The following SHPK variants were observed in gnomAD, a reference collection of about 807,000 sequenced individuals.
The protein encoded by SHPK is carbohydrate kinase-like protein.
Under a neutral mutation model 46.3 loss-of-function variants are expected in SHPK, and 51 were observed. The ratio of observed to expected loss-of-function variants is 1.10; its 90% CI spans 0.88 to 1.39. The LOEUF (loss-of-function observed/expected upper bound fraction) is 1.39, where lower values mean the gene tolerates loss of function less well. SHPK is among the 40% of genes most tolerant of loss of function. The probability of loss-of-function intolerance (pLI) is 0.00; values close to 1 mark genes in which losing one functional copy is unlikely to be tolerated. For synonymous variants in SHPK, 290 were observed against 273.9 expected (o/e 1.06, Z -0.58); for missense variants, 668 against 641.3 (o/e 1.04, Z -0.45).
At chr17:3,623,318 C>G (rs1284503573) in intron 4 of SHPK, 21 bp downstream of exon 4, 2 of 1,613,712 alleles carry the variant, frequency 1.2e-6, no homozygotes, top group East Asian at 4.5e-5. Context: ...GAGGAACAGC[C>G]TGCAAGGATG....
At chr17:3,625,730 T>C (rs945340812) in intron 2 of SHPK, among the ~76,000 whole-genome samples, 8 of 151,996 alleles carry the variant, frequency 5.3e-5, no homozygotes, top group Admixed American at 6.6e-5. Context: ...AGGTTGGAGG[T>C]AGTTTGTTGT....
At position 3,624,089 on chromosome 17, in the gene SHPK, C is replaced by T. The variant is rs753214804; in HGVS notation, c.453G>A (p.Thr151=). The T allele has an allele frequency of 5.1e-5, 83 of 1,613,706 alleles. No homozygotes were observed. Among genetic ancestry groups the T allele is most frequent in the East Asian group, 4.9e-4 (22 of 44,894 alleles). Residue 151 remains threonine, a synonymous_variant, in exon 3 of 7, where the codon ACG becomes ACA. Coordinates refer to ENST00000225519, the MANE Select transcript of SHPK (RefSeq NM_013276.4). Reference sequence around the variant, plus strand: ...AGAAGATGGTTGCACAGCCGAAGCCCGTGGCCACACTGAGATGAGACTTCG... The same window carrying T: ...AGAAGATGGTTGCACAGCCGAAGCCTGTGGCCACACTGAGATGAGACTTCG... ...PQPKSHLSVA[T]GFGCATIFWL...
At chr17:3,628,549 C>A (rs1366787718) in intron 2 of SHPK, among the ~76,000 whole-genome samples, 2 of 152,118 alleles carry the variant, frequency 1.3e-5, no homozygotes, top group African/African-American at 4.8e-5. Context: ...TCTCTAATTC[C>A]TGACCTCGTG....
At chr17:3,634,302 G>C (rs1321360039) in intron 1 of SHPK, among the ~76,000 whole-genome samples, 2 of 151,610 alleles carry the variant, frequency 1.3e-5, no homozygotes, top group African/African-American at 4.8e-5. Flanking sequence ...GGGTGCGGTG[G>C]CTCACACCTG....
chr17:3,621,343 T>G lies in SHPK; in HGVS notation c.717A>C (p.Arg239Ser), dbSNP rs1450262160. Residue 239 changes from arginine (R) to serine (S), a missense_variant, in exon 5 of 7, where the codon AGA becomes AGC. By Grantham distance (110) the Arg-to-Ser change is moderately radical. Coordinates refer to ENST00000225519, the MANE Select transcript of SHPK (RefSeq NM_013276.4). The stretch of plus-strand genomic sequence containing the variant: ...GGATTTCAAACCACATGTGGGAAGT[T>G]CTGCCCGCCACACTGCCAGGCTCGG... ...DIAEPGSVAGRTSHMWFEIPK... is the reference protein window; with the variant it reads ...DIAEPGSVAGSTSHMWFEIPK... 20 of 1,613,986 alleles carry G rather than the reference T, an allele frequency of 1.2e-5. No homozygotes were observed. Among genetic ancestry groups the G allele is most frequent in the Non-Finnish European group, 1.5e-5 (18 of 1,180,016 alleles).
rs367944958 is a variant in SHPK at position 3,636,209 on chromosome 17, C to A, written c.11G>T (p.Arg4Leu). 114 of 1,603,336 alleles carry A rather than the reference C, an allele frequency of 7.1e-5. No individual in the cohort carries two copies. The highest frequency in any genetic ancestry group is 9.1e-5 in the Non-Finnish European group (107 of 1,173,180). Reference sequence around the variant, plus strand: ...CAGGTCAATGCCGAGGGTGATCGGCCGCGCAGCCATTATCTCCCTGACCCG... The same window carrying A: ...CAGGTCAATGCCGAGGGTGATCGGCAGCGCAGCCATTATCTCCCTGACCCG... Reference protein sequence around the residue: MAARPITLGIDLGT... With the variant: MAALPITLGIDLGT... Residue 4 changes from arginine (R) to leucine (L), a missense_variant, in exon 1 of 7, where the codon CGG becomes CTG. By Grantham distance (102) the Arg-to-Leu change is moderately radical. Coordinates refer to ENST00000225519, the MANE Select transcript of SHPK (RefSeq NM_013276.4).
At position 3,610,341 on chromosome 17, in the gene SHPK, A is replaced by T; in HGVS notation, c.*219T>A. The T allele has an allele frequency of 3.6e-6, 2 of 552,200 alleles. No individual in the cohort carries two copies. The highest frequency in any genetic ancestry group is 2.4e-5 in the South Asian group (1 of 41,530). 34.2% of individuals were successfully genotyped at this position (552,200 alleles called of 1,614,324 possible). A position where few individuals can be genotyped will look rare whatever the true frequency, so the allele number is the denominator to read the frequency against. On this transcript the variant is annotated 3_prime_UTR_variant, in exon 7 of 7. Transcript: ENST00000225519. The stretch of plus-strand genomic sequence containing the variant: ...TTTGTAAATAGCTCCCAGGTGGGTC[A>T]ATTTCGGAAGGCACTCATTTGGGAT...
chr17:3,616,382 G>A (rs774549049), intron 5 of SHPK, among the ~76,000 whole-genome samples: 3 of 152,180 alleles, frequency 2.0e-5, no homozygotes, highest in South Asian at 2.1e-4. Flanking sequence ...AGAACCTCAC[G>A]TGCCAGGGAA....
At chr17:3,614,433 G>A (rs2075360101) in intron 6 of SHPK, among the ~76,000 whole-genome samples, 1 of 152,140 alleles carries the variant, frequency 6.6e-6, no homozygotes, top group South Asian at 2.1e-4. Flanking sequence ...GCTGAGGCAG[G>A]AGAATGGCGT....
rs2075418367 is a variant in SHPK at position 3,624,061 on chromosome 17, G to A, written c.481C>T (p.Leu161Phe). ...AGTTGCCCGTACCGATATTTCAAAA[G>A]CCAGAAGATGGTTGCACAGCCGAAG... The part of the protein sequence containing the change: ...TGFGCATIFW[L>F]LKYRPEFLKS... The change falls in exon 3 of 7, where the codon CTT (leucine) becomes TTT (phenylalanine). Residue 161 changes from leucine to phenylalanine, a missense_variant. Leu to Phe is a conservative substitution (Grantham distance 22, BLOSUM62 0). Coordinates refer to ENST00000225519, the MANE Select transcript of SHPK (RefSeq NM_013276.4). 1 of 1,604,520 alleles carries A rather than the reference G, an allele frequency of 6.2e-7. No individual in the cohort carries two copies. Among genetic ancestry groups the A allele is most frequent in the African/African-American group, 1.3e-5 (1 of 74,714 alleles).
chr17:3,621,323 T>C lies in SHPK; in HGVS notation c.737A>G (p.Glu246Gly). The C allele has an allele frequency of 6.2e-7, 1 of 1,614,158 alleles. No individual in the cohort carries two copies. The highest frequency in any genetic ancestry group is 8.5e-7 in the Non-Finnish European group (1 of 1,180,004). Residue 246 changes from glutamate (E) to glycine (G), a missense_variant, in exon 5 of 7, where the codon GAA (glutamate) becomes GGA (glycine). Coordinates refer to ENST00000225519, the MANE Select transcript of SHPK (RefSeq NM_013276.4). The part of the protein sequence containing the change: ...VAGRTSHMWF[E>G]IPKGTQVGVA... ...TCCCACCTGCGTCCCCTTTGGGATT[T>C]CAAACCACATGTGGGAAGTTCTGCC... is the stretch of plus-strand genomic sequence containing the variant.
At chr17:3,631,512 CTTTTTTTTTTTTTT>C (rs371958939) in intron 1 of SHPK, among the ~76,000 whole-genome samples, 1 of 53,036 alleles carries the variant, frequency 1.9e-5, no homozygotes, top group Non-Finnish European at 3.1e-5. Flanking sequence ...TAATTTAATG[CTTTTTTTTTTTTTT>C]TTTTTTTTTT....
At chr17:3,633,200 C>T (rs1231378772) in intron 1 of SHPK, among the ~76,000 whole-genome samples, 3 of 151,632 alleles carry the variant, frequency 2.0e-5, no homozygotes, top group African/African-American at 7.3e-5. Context: ...AGGCTGGTCT[C>T]GAACTCCTGA....
At chr17:3,629,048 G>A (rs1271917525) in intron 2 of SHPK, among the ~76,000 whole-genome samples, 1 of 152,108 alleles carries the variant, frequency 6.6e-6, no homozygotes, top group African/African-American at 2.4e-5. Context: ...CTCTCACTGA[G>A]CCACTGTGTC....
intron 1 of SHPK, 143 bp from the exon 2 acceptor site, chr17:3,630,489 G>C: frequency 7.0e-6 from 6 of 858,120 alleles, no homozygotes; most frequent in Non-Finnish European, 8.8e-6. Flanking sequence ...CTGCAGGTGA[G>C]TTGCAGCAAA....
chr17:3,620,142 G>A (rs893027362), intron 5 of SHPK, among the ~76,000 whole-genome samples: 3 of 152,082 alleles, frequency 2.0e-5, no homozygotes, highest in Non-Finnish European at 4.4e-5. Flanking sequence ...CCGCAAAGCC[G>A]AAAATATTTA....
rs1427719756 is a variant in SHPK at position 3,636,072 on chromosome 17, T to G, written c.148A>C (p.Ser50Arg). 6.3e-7 allele frequency: 1 copy of G among 1,581,950 alleles called. No individual in the cohort carries two copies. Among genetic ancestry groups the G allele is most frequent in the Non-Finnish European group, 8.6e-7 (1 of 1,166,090 alleles). The change falls in exon 1 of 7, where the codon AGC (serine) becomes CGC (arginine). Residue 50 changes from serine to arginine, a missense_variant. Physicochemically the swap from Ser to Arg is moderately radical, Grantham distance 110 (BLOSUM62 -1). Coordinates refer to ENST00000225519, the MANE Select transcript of SHPK (RefSeq NM_013276.4). The stretch of plus-strand genomic sequence containing the variant: ...CTCACCTGGGGCCCGGCCACCGCGC[T>G]CTCGACCGCCGCCTCTGCCCGCGCA... ...RAARAEAAVE[S>R]AVAGPQGREQ... is the part of the protein sequence containing the mutation.
chr17:3,618,415 T>C (rs2075380157), intron 5 of SHPK, among the ~76,000 whole-genome samples: 1 of 152,122 alleles, frequency 6.6e-6, no homozygotes, highest in Non-Finnish European at 1.5e-5. Flanking sequence ...AAATAAACTT[T>C]TTAAAATTTA....
At chr17:3,613,011 A>C (rs1205132310) in intron 6 of SHPK, among the ~76,000 whole-genome samples, 1 of 152,044 alleles carries the variant, frequency 6.6e-6, no homozygotes, top group African/African-American at 2.4e-5. Context: ...CGGCCTCCCA[A>C]AGTGCTGGGA....
Sources: gnomAD v4.1 joint callset for allele counts (sites outside exome capture counted in the v4.1 genomes callset) on GRCh38, gnomAD v4.1.1 for gene constraint, MANE v1.5 for transcripts, NCBI Gene and HGNC (gene_info 2026-07-23, HGNC 2026-07-21) for gene names.